The following ADGRA2 variants were observed in gnomAD, a reference collection of about 807,000 sequenced individuals.
ADGRA2 encodes the protein G-protein coupled receptor 124.
In ADGRA2, 61 loss-of-function variants were observed where a neutral mutation model predicts 98.7. The observed-to-expected ratio is 0.62, with a 90% CI of 0.50 to 0.76. The LOEUF (loss-of-function observed/expected upper bound fraction) is 0.76, where lower values mean the gene tolerates loss of function less well. Ranked by LOEUF, ADGRA2 falls within the 30% of genes least tolerant of loss-of-function variation. The pLI is 0.00. For missense variants in ADGRA2, 1,712 were observed against 1,860.0 expected (o/e 0.92, Z 1.46); for synonymous variants, 858 against 831.5 (o/e 1.03, Z -0.55).
intron 1 of ADGRA2, among the ~76,000 whole-genome samples, chr8:37,800,532 T>C (rs913142694): frequency 6.6e-6 from 1 of 152,124 alleles, no homozygotes; most frequent in African/African-American, 2.4e-5. Context: ...CTCCATCAGG[T>C]AAGGGAATTC....
chr8:37,844,207 C>A lies in ADGRA2; in HGVS notation c.*1852C>A. 1 of 429,568 alleles carries A rather than the reference C, an allele frequency of 2.3e-6. No homozygotes were observed. The highest frequency in any genetic ancestry group is 3.9e-5 in the East Asian group (1 of 25,624). 26.6% of individuals were successfully genotyped at this position (429,568 alleles called of 1,614,324 possible). A position where few individuals can be genotyped will look rare whatever the true frequency, so the allele number is the denominator to read the frequency against. ...CCAATTCAAACCAGCAGCAAAGAGC[C>A]TGACATTTTCCCATCCATCTATGAG... On this transcript the variant is annotated 3_prime_UTR_variant, in exon 19 of 19. Coordinates refer to ENST00000412232, the MANE Select transcript of ADGRA2 (RefSeq NM_032777.10).
chr8:37,800,619 A>C (rs1054519748), intron 1 of ADGRA2, among the ~76,000 whole-genome samples: 1 of 152,002 alleles, frequency 6.6e-6, no homozygotes, highest in Admixed American at 6.6e-5. Context: ...CTGAACTCCA[A>C]GTTTTGAGGC....
chr8:37,833,096 C>G lies in ADGRA2; in HGVS notation c.1184C>G (p.Pro395Arg). Reference protein sequence around the residue: ...FTSVPLGGGAPGTRASRRCDR... With the variant: ...FTSVPLGGGARGTRASRRCDR... ...TCAGTGCCCCTGGGCGGGGGTGCCC[C>G]GGGCACCCGAGCCTCCCGCCGGTGT... Residue 395 changes from proline (P) to arginine (R), a missense_variant, in exon 9 of 19, where the codon CCG (proline) becomes CGG (arginine). By Grantham distance (103) the Pro-to-Arg change is moderately radical. Coordinates refer to ENST00000412232, the MANE Select transcript of ADGRA2 (RefSeq NM_032777.10). 1 of 1,610,122 alleles carries G rather than the reference C, an allele frequency of 6.2e-7. No homozygotes were observed. Among genetic ancestry groups the G allele is most frequent in the Non-Finnish European group, 8.5e-7 (1 of 1,178,476 alleles).
rs966454898 is a variant in ADGRA2 at position 37,834,327 on chromosome 8, C to T, written c.1608+199C>T. Among the ~76,000 whole-genome samples the T allele has an allele frequency of 6.6e-6, 1 of 152,152 alleles. No individual in the cohort carries two copies. Among genetic ancestry groups the T allele is most frequent in the African/African-American group, 2.4e-5 (1 of 41,440 alleles). On this transcript the variant is annotated intron_variant, in intron 11 of 18. Transcript: ENST00000412232. This position sits in a 1 kb window ranked among gnomAD's most constrained non-coding sequence, Gnocchi z 4.2. Reference sequence around the variant, plus strand: ...ACCCTGGAGAAGTGATGCCAGACTCCGTGGTGGGGAACTGAGCCAAAGGGC... The same window carrying T: ...ACCCTGGAGAAGTGATGCCAGACTCTGTGGTGGGGAACTGAGCCAAAGGGC...
chr8:37,816,019 A>G (rs1322324407), intron 2 of ADGRA2, among the ~76,000 whole-genome samples: 2 of 152,124 alleles, frequency 1.3e-5, no homozygotes, highest in Non-Finnish European at 2.9e-5. Context: ...ATTTTGCCCA[A>G]ATGGGTCAGC....
At chr8:37,817,970 C>T (rs1174745458) in intron 2 of ADGRA2, among the ~76,000 whole-genome samples, 1 of 152,070 alleles carries the variant, frequency 6.6e-6, no homozygotes, top group African/African-American at 2.4e-5. Context: ...GCTGAGATCA[C>T]GCCATTGTAC....
chr8:37,842,223 C>G lies in ADGRA2; in HGVS notation c.3885C>G (p.Tyr1295Ter). 6.5e-7 allele frequency: 1 copy of G among 1,548,332 alleles called. No homozygotes were observed. The highest frequency in any genetic ancestry group is 1.2e-5 in the South Asian group (1 of 83,892). Residue 1295 changes from tyrosine (Y) to a stop codon, truncating the protein, a stop_gained, in exon 19 of 19, where the codon TAC becomes TAG. Transcript: ENST00000412232. LOFTEE classifies it low-confidence loss of function (END_TRUNC). ...AGAAGGAGAGCCATCGCCGCTCGTA[C>G]CCGCTCAACGCCGCCAGCCTAAACG... ...ALEKESHRRS[Y>*]PLNAASLNGA...
At position 37,816,868 on chromosome 8, in the gene ADGRA2, A is replaced by T. The variant is rs560335952; in HGVS notation, c.338+1901A>T. ...GAGGTGGAGGCTGCAGTGAGCTGAGATTGCACCACTGCACTCCAGCCTGGG... is the reference window on the plus strand; with the variant it reads ...GAGGTGGAGGCTGCAGTGAGCTGAGTTTGCACCACTGCACTCCAGCCTGGG... On this transcript the variant is annotated intron_variant, in intron 2 of 18. Transcript: ENST00000412232. Among the ~76,000 whole-genome samples, 6 of 150,334 alleles carry T rather than the reference A, an allele frequency of 4.0e-5. No individual in the cohort carries two copies. In the South Asian group the frequency reaches 1.3e-3, roughly 32 times the overall value.
intron 1 of ADGRA2, among the ~76,000 whole-genome samples, chr8:37,805,056 C>T (rs970231786): frequency 2.0e-5 from 3 of 152,208 alleles, no homozygotes; most frequent in Admixed American, 1.3e-4. Flanking sequence ...TACCGTGGAG[C>T]CCGGCTCACT....
chr8:37,812,221 T>C (rs1486307605), intron 1 of ADGRA2, among the ~76,000 whole-genome samples: 1 of 152,100 alleles, frequency 6.6e-6, no homozygotes, highest in East Asian at 1.9e-4. Flanking sequence ...TTTGGGGTAT[T>C]TGAAGTGGGT....
At chr8:37,831,161 G>A (rs1805441333) in intron 7 of ADGRA2, among the ~76,000 whole-genome samples, 1 of 152,176 alleles carries the variant, frequency 6.6e-6, no homozygotes, top group Non-Finnish European at 1.5e-5. Flanking sequence ...GTATAGAGTG[G>A]CTCCTATCTA....
At position 37,830,622 on chromosome 8, in the gene ADGRA2, C is replaced by A; in HGVS notation, c.719-88C>A. 1.6e-6 allele frequency: 1 copy of A among 619,598 alleles called. No individual in the cohort carries two copies. The highest frequency in any genetic ancestry group is 2.9e-6 in the Non-Finnish European group (1 of 343,478). 38.4% of individuals were successfully genotyped at this position (619,598 alleles called of 1,614,324 possible). ...CTGCAGGCCGAGGGCCCCGCCCCGCCCCACCCCATCCTGCTGGACTCTCGC... is the reference window on the plus strand; with the variant it reads ...CTGCAGGCCGAGGGCCCCGCCCCGCACCACCCCATCCTGCTGGACTCTCGC... On this transcript the variant is annotated intron_variant, in intron 6 of 18. Transcript: ENST00000412232. The surrounding 1 kb of genome is among the most constrained non-coding windows in gnomAD (Gnocchi z 4.8).
At chr8:37,825,983 T>C (rs1449732539) in intron 2 of ADGRA2, among the ~76,000 whole-genome samples, 1 of 152,080 alleles carries the variant, frequency 6.6e-6, no homozygotes, top group African/African-American at 2.4e-5. Flanking sequence ...GGCCCCAGCA[T>C]GGCTGGGCTG....
At position 37,832,272 on chromosome 8, in the gene ADGRA2, C is replaced by T. The variant is rs148746805; in HGVS notation, c.1097+685C>T. Among the ~76,000 whole-genome samples, 547 of 152,202 alleles carry T rather than the reference C, an allele frequency of 3.6e-3. 3 individuals carry two copies. Among genetic ancestry groups the T allele is most frequent in the African/African-American group, 0.012 (495 of 41,540 alleles). On this transcript the variant is annotated intron_variant, in intron 8 of 18. Transcript: ENST00000412232. ...TTCACCATGTTGGCCAGGCTGGTCT[C>T]GAACTCCTGGCCTCAAGTGATCCAC... is the stretch of plus-strand genomic sequence containing the variant.
chr8:37,806,065 T>C (rs1804650452), intron 1 of ADGRA2, among the ~76,000 whole-genome samples: 1 of 152,064 alleles, frequency 6.6e-6, no homozygotes, highest in African/African-American at 2.4e-5. Context: ...GGGGGGCTTT[T>C]AGGTTGTGCA....
chr8:37,800,041 A>C (rs540277821), intron 1 of ADGRA2, among the ~76,000 whole-genome samples: 1 of 152,184 alleles, frequency 6.6e-6, no homozygotes, highest in South Asian at 2.1e-4. Flanking sequence ...CACCCACCCC[A>C]GGATGCATCT....
chr8:37,833,326 C>T, intron 9 of ADGRA2, 118 bp downstream of exon 9: 1 of 822,252 alleles, frequency 1.2e-6, no homozygotes, highest in Non-Finnish European at 1.9e-6. Flanking sequence ...CCTCCTGTTC[C>T]TGCCTGTGCA....
intron 9 of ADGRA2, among the ~76,000 whole-genome samples, 192 bp from the exon 10 acceptor site, chr8:37,833,496 G>A (rs1168557481): frequency 6.6e-6 from 1 of 152,234 alleles, no homozygotes; most frequent in Non-Finnish European, 1.5e-5. Context: ...TACACCAGGG[G>A]TGCTGGCAGT....
chr8:37,834,488 A>G lies in ADGRA2; in HGVS notation c.1608+360A>G, dbSNP rs994140510. Reference sequence around the variant, plus strand: ...TCCCTGAGAGAAGGTGAGTGCTCCAATCTGATAACAACCACAGTACAGCAT... The same window carrying G: ...TCCCTGAGAGAAGGTGAGTGCTCCAGTCTGATAACAACCACAGTACAGCAT... On this transcript the variant is annotated intron_variant, in intron 11 of 18. Transcript: ENST00000412232. The surrounding 1 kb of genome is among the most constrained non-coding windows in gnomAD (Gnocchi z 4.2). Among the ~76,000 whole-genome samples the G allele has an allele frequency of 1.3e-5, 2 of 152,222 alleles. No homozygotes were observed. Among genetic ancestry groups the G allele is most frequent in the Admixed American group, 6.5e-5 (1 of 15,286 alleles).
Sources: allele counts gnomAD v4.1 joint callset (sites outside exome capture counted in the v4.1 genomes callset), GRCh38; gene constraint gnomAD v4.1.1; non-coding constraint Gnocchi (gnomAD v3.1); transcripts MANE v1.5; gene names NCBI Gene and HGNC (gene_info 2026-07-23, HGNC 2026-07-21).